GALNT13: variants seen among roughly 807,000 people sequenced by gnomAD.
GALNT13 encodes the protein polypeptide N-acetylgalactosaminyltransferase 13.
In GALNT13, 28 loss-of-function variants were observed where a neutral mutation model predicts 64.2. The observed-to-expected ratio is 0.44, with a 90% confidence interval of 0.32 to 0.60. The LOEUF (loss-of-function observed/expected upper bound fraction) is 0.60. Among genes scored for constraint, GALNT13 ranks in the 20% least tolerant of loss-of-function variants. The pLI, the probability that GALNT13 is intolerant of heterozygous loss-of-function variation, is 0.05. For missense variants in GALNT13, 577 were observed against 669.8 expected, an observed-to-expected ratio of 0.86 and a Z score of 1.53; for synonymous variants, 214 against 224.6, an observed-to-expected ratio of 0.95 and a Z score of 0.42.
At chr2:153,580,358 A>T in the GALNT13 span, among the ~76,000 whole-genome samples, 7 of 152,094 alleles carry the variant, frequency 4.6e-5, no homozygotes, top group African/African-American at 1.4e-4. Flanking sequence ...AAAAAAAAAA[A>T]GTGATGCTAA....
At chr2:154,091,845 T>C (rs1202009609) in intron 3 of GALNT13, among the ~76,000 whole-genome samples, 3 of 151,860 alleles carry the variant, frequency 2.0e-5, no homozygotes, top group Non-Finnish European at 2.9e-5. Context: ...TATTAACTAA[T>C]GACTTTGATG....
chr2:154,389,950 T>TG (rs1484783070), intron 9 of GALNT13, among the ~76,000 whole-genome samples: 1 of 152,154 alleles, frequency 6.6e-6, no homozygotes, highest in East Asian at 1.9e-4. Context: ...GATGCAGTGA[T>TG]CTGGTAAGTT....
At chr2:154,217,283 A>G (rs1221831417) in intron 4 of GALNT13, among the ~76,000 whole-genome samples, 1 of 152,142 alleles carries the variant, frequency 6.6e-6, no homozygotes. Context: ...ATTATTTTGT[A>G]TATAATTCAC....
chr2:153,542,130 C>T, the GALNT13 span, among the ~76,000 whole-genome samples: 3 of 152,092 alleles, frequency 2.0e-5, no homozygotes, highest in Non-Finnish European at 1.5e-5. Flanking sequence ...CCAGTCTGGC[C>T]AACATGTTGA....
the GALNT13 span, among the ~76,000 whole-genome samples, chr2:153,735,386 T>A: frequency 1.3e-5 from 2 of 152,090 alleles, no homozygotes; most frequent in African/African-American, 4.8e-5. Flanking sequence ...ACACACAAAA[T>A]AAGCTGCCTT....
At chr2:154,419,723 A>G (rs972750822) in intron 11 of GALNT13, among the ~76,000 whole-genome samples, 1 of 152,190 alleles carries the variant, frequency 6.6e-6, no homozygotes, top group Non-Finnish European at 1.5e-5. Flanking sequence ...TGTTAAAATC[A>G]TAAGGATATC....
the GALNT13 span, among the ~76,000 whole-genome samples, chr2:153,505,055 G>C: frequency 6.6e-6 from 1 of 151,946 alleles, no homozygotes; most frequent in Non-Finnish European, 1.5e-5. Flanking sequence ...TTTCAATCTG[G>C]CTGCTGGTTA....
At chr2:153,774,943 T>G in the GALNT13 span, among the ~76,000 whole-genome samples, 50,816 of 151,986 alleles carry the variant, frequency 0.33, 8,933 homozygotes, top group Non-Finnish European at 0.36. Context: ...ATTTCTGGTG[T>G]TGTACTTCTG....
At chr2:153,610,020 T>C in the GALNT13 span, among the ~76,000 whole-genome samples, 315 of 152,264 alleles carry the variant, frequency 2.1e-3, 2 homozygotes, top group African/African-American at 6.9e-3. Context: ...GTGCTAGAGC[T>C]AGAAGTGTGG....
chr2:153,557,002 T>G, the GALNT13 span, among the ~76,000 whole-genome samples: 1 of 152,162 alleles, frequency 6.6e-6, no homozygotes, highest in African/African-American at 2.4e-5. Flanking sequence ...AAATCTAGTT[T>G]ACTTTGAATG....
intron 4 of GALNT13, among the ~76,000 whole-genome samples, chr2:154,235,188 C>T (rs543011239): frequency 1.3e-5 from 2 of 152,100 alleles, no homozygotes; most frequent in Non-Finnish European, 2.9e-5. Flanking sequence ...AATAATTGAT[C>T]TGATAGCAAA....
At chr2:153,410,435 T>C in the GALNT13 span, among the ~76,000 whole-genome samples, 1 of 152,150 alleles carries the variant, frequency 6.6e-6, no homozygotes, top group Non-Finnish European at 1.5e-5. Flanking sequence ...CCATGTAATA[T>C]TCAAAGTAAG....
the GALNT13 span, among the ~76,000 whole-genome samples, chr2:153,319,404 G>C: frequency 2.0e-5 from 3 of 152,102 alleles, no homozygotes; most frequent in Non-Finnish European, 2.9e-5. Flanking sequence ...CTTCTGAGTA[G>C]CTGGGACTAC....
At chr2:153,412,694 G>T in the GALNT13 span, among the ~76,000 whole-genome samples, 2 of 152,132 alleles carry the variant, frequency 1.3e-5, no homozygotes, top group Non-Finnish European at 1.5e-5. Flanking sequence ...AAAGCTTGGG[G>T]CTGTCATTTC....
the GALNT13 span, among the ~76,000 whole-genome samples, chr2:153,328,780 TCCCTAGCTTCAGCC>T: frequency 6.6e-6 from 1 of 152,036 alleles, no homozygotes; most frequent in Non-Finnish European, 1.5e-5. Flanking sequence ...ACCACTCGGC[TCCCTAGCTTCAGCC>T]CCCTTTCCAA....
At chr2:153,247,813 A>G in the GALNT13 span, among the ~76,000 whole-genome samples, 73 of 152,228 alleles carry the variant, frequency 4.8e-4, 1 homozygote, top group Non-Finnish European at 6.6e-4. Flanking sequence ...TACATAGACC[A>G]CTATCTAAAC....
At chr2:154,405,647 G>A (rs1372792555) in intron 10 of GALNT13, among the ~76,000 whole-genome samples, 2 of 151,548 alleles carry the variant, frequency 1.3e-5, no homozygotes, top group Non-Finnish European at 2.9e-5. Flanking sequence ...CCAGCTACTT[G>A]GGAAGCTGAG....
the GALNT13 span, among the ~76,000 whole-genome samples, chr2:153,627,034 A>G: frequency 6.6e-6 from 1 of 152,080 alleles, no homozygotes; most frequent in East Asian, 1.9e-4. Flanking sequence ...TCAGTTTCAA[A>G]AAGGGATGAG....
the GALNT13 span, among the ~76,000 whole-genome samples, chr2:153,549,277 A>G: frequency 0.012 from 1,783 of 152,364 alleles, 33 homozygotes; most frequent in African/African-American, 0.038. Flanking sequence ...CAAGTGCTCA[A>G]TGCTTCCGTA....
Sources: gnomAD v4.1 joint callset for allele counts (sites outside exome capture counted in the v4.1 genomes callset) on GRCh38, gnomAD v4.1.1 for gene constraint, MANE v1.5 for transcripts, NCBI Gene and HGNC (gene_info 2026-07-23, HGNC 2026-07-21) for gene names.